SLC35F1: variants seen among roughly 807,000 people sequenced by gnomAD.
SLC35F1 encodes solute carrier family 35 member F1.
SLC35F1 carries 14 observed loss-of-function variants against 48.7 expected under a neutral mutation model. That is an observed-to-expected ratio of 0.29 (90% confidence interval 0.19 to 0.45). The LOEUF (loss-of-function observed/expected upper bound fraction) is 0.45, where lower values mean the gene tolerates loss of function less well. Among genes scored for constraint, SLC35F1 ranks in the 20% least tolerant of loss-of-function variants. SLC35F1 has a pLI of 1.00. For missense variants in SLC35F1, 404 were observed against 500.0 expected (o/e 0.81, Z 1.83); for synonymous variants, 190 against 202.2 (o/e 0.94, Z 0.51).
chr6:118,194,757 G>A (rs1774778084), intron 2 of SLC35F1, among the ~76,000 whole-genome samples: 1 of 152,172 alleles, frequency 6.6e-6, no homozygotes, highest in Non-Finnish European at 1.5e-5. Context: ...AGAGGGGCCA[G>A]AAGTCTGACT....
chr6:118,225,476 A>G (rs1257692304), intron 2 of SLC35F1, among the ~76,000 whole-genome samples: 1 of 152,222 alleles, frequency 6.6e-6, no homozygotes, highest in African/African-American at 2.4e-5. Context: ...CTCTCAACAT[A>G]TACAAAAATC....
chr6:118,118,285 G>A (rs1278838083), intron 1 of SLC35F1, among the ~76,000 whole-genome samples: 3 of 152,100 alleles, frequency 2.0e-5, no homozygotes, highest in African/African-American at 7.2e-5. Flanking sequence ...ACTTAACACT[G>A]ATAAATTTAT....
At chr6:117,937,511 C>T (rs1776176111) in intron 1 of SLC35F1, among the ~76,000 whole-genome samples, 1 of 152,144 alleles carries the variant, frequency 6.6e-6, no homozygotes, top group Non-Finnish European at 1.5e-5. Context: ...CAATCAAACA[C>T]TTATTTAAGG....
chr6:117,922,072 G>A (rs1775906750), intron 1 of SLC35F1, among the ~76,000 whole-genome samples: 1 of 152,200 alleles, frequency 6.6e-6, no homozygotes, highest in African/African-American at 2.4e-5. Context: ...TTGCTATTGA[G>A]CAAGCATGTA....
chr6:117,954,339 T>C (rs2114829901), intron 1 of SLC35F1, among the ~76,000 whole-genome samples: 1 of 152,278 alleles, frequency 6.6e-6, no homozygotes, highest in Middle Eastern at 3.4e-3. Flanking sequence ...CCCTGCAACG[T>C]CCACCTCCTG....
intron 1 of SLC35F1, chr6:117,999,327 T>A: frequency 6.3e-7 from 1 of 1,595,754 alleles, no homozygotes; most frequent in South Asian, 1.1e-5. Flanking sequence ...GGGCTCAGGC[T>A]GTGCCGGCCA....
chr6:118,067,207 G>A (rs1772628618), intron 1 of SLC35F1, among the ~76,000 whole-genome samples: 1 of 152,198 alleles, frequency 6.6e-6, no homozygotes, highest in East Asian at 1.9e-4. Context: ...CATAAAATGA[G>A]AAGAAATGCA....
rs180746377 is a variant in SLC35F1 at position 118,020,217 on chromosome 6, A to G, written c.173+112318A>G. Among the ~76,000 whole-genome samples, 217 of 152,336 alleles carry G rather than the reference A, an allele frequency of 1.4e-3. 1 individual carries two copies. Among genetic ancestry groups the G allele is most frequent in the Non-Finnish European group, 2.3e-3 (159 of 68,036 alleles). On this transcript the variant is annotated intron_variant, in intron 1 of 7. Transcript: ENST00000360388. ...GGCCTTTGACACATCTGAAGATTCA[A>G]TGAAAACAGACATGATATTCTTCAT...
At chr6:118,198,805 C>T (rs1488448784) in intron 2 of SLC35F1, among the ~76,000 whole-genome samples, 2 of 152,194 alleles carry the variant, frequency 1.3e-5, no homozygotes, top group Non-Finnish European at 2.9e-5. Context: ...TTGCCAATCC[C>T]AGGGGAGGAC....
At position 118,041,799 on chromosome 6, in the gene SLC35F1, G is replaced by A. The variant is rs539151849; in HGVS notation, c.174-112646G>A. Among the ~76,000 whole-genome samples the A allele has an allele frequency of 5.3e-4, 80 of 152,262 alleles. 1 individual carries two copies. The East Asian group carries it at 0.013, about 25-fold the overall frequency. On this transcript the variant is annotated intron_variant, in intron 1 of 7. Transcript: ENST00000360388. ...GGTGTATCAGAAAGACAGAAGGAAG[G>A]TGGAGTGGGTAGAGTGGAGTCAGGG...
At chr6:118,312,436 A>G (rs746037037) in intron 7 of SLC35F1, among the ~76,000 whole-genome samples, 2 of 152,252 alleles carry the variant, frequency 1.3e-5, no homozygotes, top group Admixed American at 6.5e-5. Flanking sequence ...TTACAAATTT[A>G]TGAATCAAAG....
At chr6:118,023,804 C>G (rs1777429210) in intron 1 of SLC35F1, among the ~76,000 whole-genome samples, 1 of 152,224 alleles carries the variant, frequency 6.6e-6, no homozygotes. Context: ...GTCTTTGAGT[C>G]TGTCTGAATG....
intron 6 of SLC35F1, among the ~76,000 whole-genome samples, chr6:118,283,917 C>G (rs1183270158): frequency 6.6e-6 from 1 of 152,172 alleles, no homozygotes; most frequent in African/African-American, 2.4e-5. Flanking sequence ...ACACGTAGGA[C>G]TTTTACCTTT....
chr6:117,954,980 T>A (rs1460551613), intron 1 of SLC35F1, among the ~76,000 whole-genome samples: 1 of 152,266 alleles, frequency 6.6e-6, no homozygotes, highest in Non-Finnish European at 1.5e-5. Context: ...TAATTTATTT[T>A]GAACTCCAAT....
chr6:118,150,693 T>C (rs6940272), intron 1 of SLC35F1, among the ~76,000 whole-genome samples: 68,347 of 152,052 alleles, frequency 0.45, 17,305 homozygotes, highest in Middle Eastern at 0.61. Context: ...TTCTTCCATT[T>C]AGGAATGTAA....
At chr6:118,229,083 A>G (rs949717185) in intron 2 of SLC35F1, among the ~76,000 whole-genome samples, 1 of 151,712 alleles carries the variant, frequency 6.6e-6, no homozygotes, top group Non-Finnish European at 1.5e-5. Context: ...TTGGATGTGG[A>G]CTGTGTTTCA....
At chr6:118,154,317 C>G in intron 1 of SLC35F1, 128 bp from the exon 2 acceptor site, 7 of 764,188 alleles carry the variant, frequency 9.2e-6, no homozygotes, top group Non-Finnish European at 1.4e-5. Flanking sequence ...CTTTGATGGA[C>G]TAAAGGGAAT....
chr6:118,198,631 C>G (rs939414427), intron 2 of SLC35F1, among the ~76,000 whole-genome samples: 3 of 152,204 alleles, frequency 2.0e-5, no homozygotes, highest in African/African-American at 7.2e-5. Flanking sequence ...TAAACACTTA[C>G]ACTTCCATCC....
intron 1 of SLC35F1, among the ~76,000 whole-genome samples, chr6:118,035,173 G>A (rs779268466): frequency 6.6e-6 from 1 of 152,124 alleles, no homozygotes; most frequent in Non-Finnish European, 1.5e-5. Flanking sequence ...GCATAAAATT[G>A]TTCTTAGTAT....
Sources: gnomAD v4.1 joint callset for allele counts (sites outside exome capture counted in the v4.1 genomes callset) on GRCh38, gnomAD v4.1.1 for gene constraint, MANE v1.5 for transcripts, NCBI Gene and HGNC (gene_info 2026-07-23, HGNC 2026-07-21) for gene names.